The following STPG2 variants were observed in gnomAD, a reference collection of about 807,000 sequenced individuals.
STPG2 encodes the protein sperm tail PG-rich repeat containing 2.
In STPG2, 56 loss-of-function variants were observed where a neutral mutation model predicts 54.2. The ratio of observed to expected loss-of-function variants is 1.03; its 90% CI spans 0.83 to 1.29. The LOEUF is 1.29. Ranked by LOEUF, STPG2 falls within the 50% of genes most tolerant of loss-of-function variation. STPG2 has a pLI of 0.00. For synonymous variants in STPG2, 200 were observed against 181.8 expected, an observed-to-expected ratio of 1.10 and a Z score of -0.81; for missense variants, 596 against 544.9, an observed-to-expected ratio of 1.09 and a Z score of -0.93.
chr4:97,558,260 A>C (rs879510052), downstream of STPG2, among the ~76,000 whole-genome samples: 1 of 152,138 alleles, frequency 6.6e-6, no homozygotes, highest in Admixed American at 6.5e-5. Flanking sequence ...GGACTATATA[A>C]ATCCTACTTG....
intron 8 of STPG2, among the ~76,000 whole-genome samples, chr4:97,867,415 A>G (rs753057452): frequency 6.6e-6 from 1 of 151,816 alleles, no homozygotes; most frequent in African/African-American, 2.4e-5. Flanking sequence ...TTTTCAATTA[A>G]CTCCTTGTGA....
chr4:97,988,618 G>C (rs1734898354), intron 5 of STPG2, among the ~76,000 whole-genome samples: 1 of 152,116 alleles, frequency 6.6e-6, no homozygotes, highest in Admixed American at 6.6e-5. Context: ...CTTATATTTT[G>C]TTTTTTGATA....
chr4:97,560,878 T>C (rs1033835953), intron 10 of STPG2, among the ~76,000 whole-genome samples: 1 of 152,220 alleles, frequency 6.6e-6, no homozygotes, highest in Non-Finnish European at 1.5e-5. Context: ...TGACTCATTC[T>C]TGTCATTAGA....
rs574717149 is a variant in STPG2 at position 97,602,107 on chromosome 4, A to C, written c.1321-42990T>G. ...AATGATCTTATGACTGAAGATTGCCAAAATCTCTCATAAATTTTATTATTT... is the reference window on the plus strand; with the variant it reads ...AATGATCTTATGACTGAAGATTGCCCAAATCTCTCATAAATTTTATTATTT... On this transcript the variant is annotated intron_variant, in intron 10 of 10. Coordinates refer to ENST00000295268, the MANE Select transcript of STPG2 (RefSeq NM_174952.3). Among the ~76,000 whole-genome samples the C allele has an allele frequency of 3.3e-5, 5 of 151,952 alleles. No individual in the cohort carries two copies. In the East Asian group the frequency reaches 7.7e-4, roughly 23 times the overall value.
intron 4 of STPG2, among the ~76,000 whole-genome samples, chr4:97,496,952 A>AAT (rs1730624145): frequency 6.6e-6 from 1 of 151,272 alleles, no homozygotes; most frequent in Non-Finnish European, 1.5e-5. Flanking sequence ...TGCTATTAAA[A>AAT]ATAATCAATT....
rs115656794 is a variant in STPG2 at position 97,535,876 on chromosome 4, G to T, written c.462+176823C>A. ...TAGTTCCATATGAGTTAGACTGCTGGATATTGCTCTGCAAGTCACTGGAAC... is the reference window on the plus strand; with the variant it reads ...TAGTTCCATATGAGTTAGACTGCTGTATATTGCTCTGCAAGTCACTGGAAC... On this transcript the variant is annotated intron_variant, in intron 4 of 4. Coordinates refer to the STPG2 transcript ENST00000522676. Among the ~76,000 whole-genome samples, 528 of 152,176 alleles carry T rather than the reference G, an allele frequency of 3.5e-3. 4 individuals are homozygous for T. Among genetic ancestry groups the T allele is most frequent in the African/African-American group, 0.012 (491 of 41,532 alleles).
At chr4:97,845,109 T>C (rs1171347709) in intron 8 of STPG2, among the ~76,000 whole-genome samples, 2 of 151,964 alleles carry the variant, frequency 1.3e-5, no homozygotes, top group African/African-American at 4.8e-5. Context: ...TAAGTTCCAT[T>C]AATTCTTTGA....
chr4:97,756,068 C>A (rs1163971394), intron 9 of STPG2, among the ~76,000 whole-genome samples: 1 of 152,044 alleles, frequency 6.6e-6, no homozygotes, highest in African/African-American at 2.4e-5. Context: ...CTTCTTCTCT[C>A]TCTCTCTTTC....
chr4:97,487,113 G>T (rs1730386365), intron 4 of STPG2, among the ~76,000 whole-genome samples: 1 of 151,036 alleles, frequency 6.6e-6, no homozygotes. Context: ...GGGAGTAGGG[G>T]GAGGGACAAA....
At chr4:97,710,468 T>A (rs919927295) in intron 10 of STPG2, among the ~76,000 whole-genome samples, 3 of 152,082 alleles carry the variant, frequency 2.0e-5, no homozygotes, top group African/African-American at 7.2e-5. Context: ...CAGTTGGGGA[T>A]CCTTTGTGGA....
At chr4:97,941,799 T>C (rs1415546196) in intron 8 of STPG2, among the ~76,000 whole-genome samples, 1 of 152,054 alleles carries the variant, frequency 6.6e-6, no homozygotes, top group African/African-American at 2.4e-5. Flanking sequence ...TTTGGATTTT[T>C]CATTACATAC....
At chr4:97,849,531 G>A (rs929190299) in intron 8 of STPG2, among the ~76,000 whole-genome samples, 2 of 151,590 alleles carry the variant, frequency 1.3e-5, no homozygotes, top group Admixed American at 6.6e-5. Flanking sequence ...TCTGACAAAG[G>A]GCTAATATCC....
intron 10 of STPG2, among the ~76,000 whole-genome samples, chr4:97,566,685 T>G (rs1732456136): frequency 6.6e-6 from 1 of 152,062 alleles, no homozygotes; most frequent in South Asian, 2.1e-4. Flanking sequence ...ATATACACCA[T>G]GGAATACTAT....
chr4:97,737,720 C>A (rs2149032746), intron 9 of STPG2, among the ~76,000 whole-genome samples: 1 of 152,202 alleles, frequency 6.6e-6, no homozygotes, highest in Non-Finnish European at 1.5e-5. Flanking sequence ...GTGAAAAGAC[C>A]ATATCTACGT....
intron 9 of STPG2, among the ~76,000 whole-genome samples, chr4:97,781,109 C>T (rs1036886770): frequency 7.3e-5 from 11 of 151,580 alleles, no homozygotes; most frequent in African/African-American, 2.7e-4. Context: ...GATAGAGACA[C>T]AAAAAAACCC....
At chr4:97,603,449 A>C (rs1296631296) in intron 10 of STPG2, among the ~76,000 whole-genome samples, 2 of 151,632 alleles carry the variant, frequency 1.3e-5, no homozygotes, top group Non-Finnish European at 3.0e-5. Context: ...AGATCAAGCA[A>C]TTATACTTCT....
At chr4:97,571,366 A>G (rs1389105034) in intron 10 of STPG2, among the ~76,000 whole-genome samples, 3 of 152,082 alleles carry the variant, frequency 2.0e-5, no homozygotes, top group African/African-American at 7.2e-5. Flanking sequence ...AACCCAAGAG[A>G]CTGTTTCAGG....
At chr4:97,603,337 A>G (rs1439008253) in intron 10 of STPG2, among the ~76,000 whole-genome samples, 1 of 151,750 alleles carries the variant, frequency 6.6e-6, no homozygotes, top group African/African-American at 2.4e-5. Flanking sequence ...AATGTGTACA[A>G]ATTGGAACAG....
chr4:97,669,906 C>G (rs556940498), intron 10 of STPG2, among the ~76,000 whole-genome samples: 1 of 152,136 alleles, frequency 6.6e-6, no homozygotes, highest in African/African-American at 2.4e-5. Flanking sequence ...TAAAGCAACT[C>G]TGCATGTACA....
Sources: gnomAD v4.1 joint callset for allele counts (sites outside exome capture counted in the v4.1 genomes callset) on GRCh38, gnomAD v4.1.1 for gene constraint, MANE v1.5 for transcripts, NCBI Gene and HGNC (gene_info 2026-07-23, HGNC 2026-07-21) for gene names.